The following SLC2A4RG variants were observed in gnomAD, a reference collection of about 807,000 sequenced individuals.
The protein encoded by SLC2A4RG is GLUT4 enhancer factor.
SLC2A4RG carries 23 observed loss-of-function variants against 35.5 expected under a neutral mutation model. That is an observed-to-expected ratio of 0.65 (90% CI 0.47 to 0.92). The LOEUF (loss-of-function observed/expected upper bound fraction) is 0.92. SLC2A4RG is among the 40% of genes least tolerant of loss of function. The pLI, the probability that SLC2A4RG is intolerant of heterozygous loss-of-function variation, is 0.00. For synonymous variants in SLC2A4RG, 306 were observed against 243.7 expected (o/e 1.26, Z -2.38); for missense variants, 539 against 525.0 (o/e 1.03, Z -0.26).
Position 63,742,325 on chromosome 20 carries a change from G to C in SLC2A4RG, c.681-11G>C. Reference sequence around the variant, plus strand: ...CCTTCAGCTCCCACTGGCTGGCTGTGTCTCCCGCAGGAGGCAGGCAGAGCC... The same window carrying C: ...CCTTCAGCTCCCACTGGCTGGCTGTCTCTCCCGCAGGAGGCAGGCAGAGCC... On this transcript the variant is annotated splice_polypyrimidine_tract_variant and intron_variant, in intron 5 of 7. Transcript: ENST00000266077. 6.2e-7 allele frequency: 1 copy of C among 1,606,584 alleles called. No homozygotes were observed.
At position 63,742,132 on chromosome 20, in the gene SLC2A4RG, C is replaced by T; in HGVS notation, c.582C>T (p.Ser194=). The T allele has an allele frequency of 2.5e-6, 4 of 1,603,736 alleles. No individual in the cohort carries two copies. Among genetic ancestry groups the T allele is most frequent in the Middle Eastern group, 3.3e-4 (2 of 6,042 alleles). Residue 194 remains serine, a splice_region_variant and synonymous_variant, in exon 5 of 8, where the codon AGC becomes AGT. Transcript: ENST00000266077. ...FGEPTLRKRK[S]PAQVMFQCLW... is the part of the protein sequence containing the mutation. ...GACCCTGGCCCCTGTTGCTGCAGAG[C>T]CCGGCCCAGGTCATGTTCCAGTGTC...
rs1027857777 is a variant in SLC2A4RG, at chr20:63,739,992, G to C, written c.80G>C (p.Gly27Ala). 2.0e-5 allele frequency: 20 copies of C among 980,618 alleles called. No homozygotes were observed. The highest frequency in any genetic ancestry group is 2.2e-5 in the Non-Finnish European group (18 of 828,314). 60.7% of individuals were successfully genotyped at this position (980,618 alleles called of 1,614,324 possible). ...RAEAPWLRAE[G>A]PGPRAAPVTV... is the part of the protein sequence containing the mutation. ...GAGGCGCCGTGGCTGCGCGCGGAGG[G>C]TCCGGGGCCGCGCGCCGCGCCCGTG... is the stretch of plus-strand genomic sequence containing the variant. The change falls in exon 1 of 8, where the codon GGT (glycine) becomes GCT (alanine). Residue 27 changes from glycine (G) to alanine (A), a missense_variant. Gly to Ala is a moderately conservative substitution (Grantham distance 60). Coordinates refer to ENST00000266077, the MANE Select transcript of SLC2A4RG (RefSeq NM_020062.4).
At chr20:63,740,807 G>A (rs1378561792) in intron 2 of SLC2A4RG, among the ~76,000 whole-genome samples, 1 of 152,194 alleles carries the variant, frequency 6.6e-6, no homozygotes, top group Non-Finnish European at 1.5e-5. Context: ...TCGGCATGGG[G>A]CGACTGTCCA....
In SLC2A4RG at chr20:63,739,818, C is replaced by G. The variant is rs2092032513; in HGVS notation, c.-95C>G. The G allele has an allele frequency of 1.1e-6, 1 of 949,506 alleles. No homozygotes were observed. The highest frequency in any genetic ancestry group is 6.6e-5 in the Admixed American group (1 of 15,216). The allele number at this position is 949,506 out of a possible 1,614,324, so 58.8% of individuals were successfully genotyped here. On this transcript the variant is annotated 5_prime_UTR_variant, in exon 1 of 8. Coordinates refer to ENST00000266077, the MANE Select transcript of SLC2A4RG (RefSeq NM_020062.4). ...GCGCGGGCGGCGGCCGGATCCAGGG[C>G]GGGGGTCGGCGGCCCGGCCAGCCCG... is the stretch of plus-strand genomic sequence containing the variant.
rs1217872641 is a variant in SLC2A4RG at position 63,741,493 on chromosome 20, G to A, written c.391+14G>A. The A allele has an allele frequency of 2.5e-6, 4 of 1,609,248 alleles. No homozygotes were observed. Among genetic ancestry groups the A allele is most frequent in the South Asian group, 1.1e-5 (1 of 90,750 alleles). On this transcript the variant is annotated intron_variant, in intron 3 of 7. Transcript: ENST00000266077. ...CCTTCAGCCCAGGTAAGACTCAGAT[G>A]TCTGCATTTAGGGGTGTGGGTGGGG...
rs781482464 is a variant in SLC2A4RG, at chr20:63,741,975, C to T, written c.498C>T (p.Ser166=). 5.6e-6 allele frequency: 9 copies of T among 1,613,074 alleles called. No homozygotes were observed. The South Asian group carries it at 8.8e-5, about 16-fold the overall frequency. The change falls in exon 4 of 8, where the codon TCC becomes TCT. Residue 166 remains serine (S), a synonymous_variant. Transcript: ENST00000266077. ...DWGWDLASDQ[S]SPSTPSPPLP... ...GATGGGACCTGGCCAGTGACCAGTC[C>T]TCTCCGTCCACCCCGTCACCCCCAC...
Position 63,739,948 on chromosome 20 carries a change from C to G in SLC2A4RG, c.36C>G (p.Asp12Glu). 1.0e-6 allele frequency: 1 copy of G among 979,384 alleles called. No homozygotes were observed. Among genetic ancestry groups the G allele is most frequent in the Non-Finnish European group, 1.2e-6 (1 of 827,616 alleles). The allele number at this position is 979,384 out of a possible 1,614,324, so 60.7% of individuals were successfully genotyped here. The change falls in exon 1 of 8, where the codon GAC becomes GAG. Residue 12 changes from aspartate (D) to glutamate (E), a missense_variant. Transcript: ENST00000266077. ...ERPPPRAAGR[D>E]PSALRAEAPW... ...CCCCGCCCCGCGCCGCCGGCCGGGA[C>G]CCCAGTGCGCTGCGGGCCGAGGCGC...
At chr20:63,741,649 C>T (rs960024377) in intron 3 of SLC2A4RG, among the ~76,000 whole-genome samples, 170 bp downstream of exon 3, 2 of 152,214 alleles carry the variant, frequency 1.3e-5, no homozygotes, top group African/African-American at 4.8e-5. Flanking sequence ...AGGACCCAGG[C>T]CTTCTGGCCT....
At position 63,742,478 on chromosome 20, in the gene SLC2A4RG, C is replaced by G. The variant is rs142830093; in HGVS notation, c.823C>G (p.Arg275Gly). ...GGCCTCCATGCCGCCTGCCTTCCCC[C>G]GCCTGGAGCTGCCAGAGCTGCTGGA... ...PTASMPPAFPRLELPELLEPP... is the reference protein window; with the variant it reads ...PTASMPPAFPGLELPELLEPP... The change falls in exon 6 of 8, where the codon CGC becomes GGC. Residue 275 changes from arginine (R) to glycine (G), a missense_variant. By Grantham distance (125) the Arg-to-Gly change is moderately radical. Coordinates refer to ENST00000266077, the MANE Select transcript of SLC2A4RG (RefSeq NM_020062.4). The G allele has an allele frequency of 1.9e-6, 3 of 1,585,532 alleles. No homozygotes were observed. The highest frequency in any genetic ancestry group is 2.6e-6 in the Non-Finnish European group (3 of 1,166,634).
intron 5 of SLC2A4RG, 27 bp from the exon 6 acceptor site, chr20:63,742,309 C>A: frequency 6.2e-7 from 1 of 1,605,034 alleles, no homozygotes; most frequent in Non-Finnish European, 8.5e-7. Flanking sequence ...CCCTTCAGCT[C>A]CCACTGGCTG....
Position 63,742,011 on chromosome 20 carries a change from G to A in SLC2A4RG, c.534G>A (p.Glu178=). 1 of 1,612,872 alleles carries A rather than the reference G, an allele frequency of 6.2e-7. No individual in the cohort carries two copies. Among genetic ancestry groups the A allele is most frequent in the South Asian group, 1.1e-5 (1 of 91,072 alleles). ...PSTPSPPLPP[E]AAHFLFGEPT... is the part of the protein sequence containing the mutation. ...CCCCGTCACCCCCACTGCCCCCCGA[G>A]GCAGCCCACTTTCTGTTTGGGGAGC... Residue 178 remains glutamate (E), a synonymous_variant, in exon 4 of 8, where the codon GAG becomes GAA. Transcript: ENST00000266077.
chr20:63,742,446 C>A lies in SLC2A4RG; in HGVS notation c.791C>A (p.Ser264Tyr). The A allele has an allele frequency of 6.2e-7, 1 of 1,602,852 alleles. No homozygotes were observed. The highest frequency in any genetic ancestry group is 8.5e-7 in the Non-Finnish European group (1 of 1,175,526). Residue 264 changes from serine to tyrosine, a missense_variant, in exon 6 of 8, where the codon TCC (serine) becomes TAC (tyrosine). Coordinates refer to ENST00000266077, the MANE Select transcript of SLC2A4RG (RefSeq NM_020062.4). ...TDGLSSLTPV[S>Y]PTASMPPAFP... ...GGGCTGTCCAGCCTGACTCCAGTGT[C>A]CCCCACGGCCTCCATGCCGCCTGCC...
intron 2 of SLC2A4RG, among the ~76,000 whole-genome samples, 185 bp downstream of exon 2, chr20:63,740,716 C>T (rs1309020327): frequency 6.6e-6 from 1 of 152,242 alleles, no homozygotes. Flanking sequence ...CCTACACCTC[C>T]CTCCACCGCA....
In SLC2A4RG at chr20:63,742,494, A is replaced by T; in HGVS notation, c.839A>T (p.Glu280Val). The T allele has an allele frequency of 6.4e-7, 1 of 1,572,092 alleles. No individual in the cohort carries two copies. The highest frequency in any genetic ancestry group is 8.6e-7 in the Non-Finnish European group (1 of 1,159,502). The change falls in exon 6 of 8, where the codon GAG becomes GTG. Residue 280 changes from glutamate (E) to valine (V), a missense_variant. Transcript: ENST00000266077. ...GCCTTCCCCCGCCTGGAGCTGCCAG[A>T]GCTGCTGGAGCCCCCAGCCCTGCCT... is the stretch of plus-strand genomic sequence containing the variant. ...PPAFPRLELP[E>V]LLEPPALPSP...
rs1406010359 is a variant in SLC2A4RG, at chr20:63,740,538, G to A, written c.281+7G>A. ...TCCCCGTCCCAGCGCAGAGGTGAGC[G>A]GGAGGCCCGGTGCCTCGGGACTCGG... On this transcript the variant is annotated splice_region_variant and intron_variant, in intron 2 of 7. Coordinates refer to ENST00000266077, the MANE Select transcript of SLC2A4RG (RefSeq NM_020062.4). The A allele has an allele frequency of 2.4e-6, 3 of 1,228,864 alleles. No homozygotes were observed. Among genetic ancestry groups the A allele is most frequent in the South Asian group, 4.1e-5 (1 of 24,248 alleles). 76.1% of individuals were successfully genotyped at this position (1,228,864 alleles called of 1,614,324 possible). A position where few individuals can be genotyped will look rare whatever the true frequency, so the allele number is the denominator to read the frequency against.
In SLC2A4RG at chr20:63,739,788, G is replaced by A. The variant is rs2092032286; in HGVS notation, c.-125G>A. Reference sequence around the variant, plus strand: ...GGGCGGGCCGGGCAGCCTCCGGGCGGCGCGGCGCGGGCGGCGGCCGGATCC... The same window carrying A: ...GGGCGGGCCGGGCAGCCTCCGGGCGACGCGGCGCGGGCGGCGGCCGGATCC... On this transcript the variant is annotated 5_prime_UTR_variant, in exon 1 of 8. Transcript: ENST00000266077. 2 of 945,716 alleles carry A rather than the reference G, an allele frequency of 2.1e-6. No homozygotes were observed. Among genetic ancestry groups the A allele is most frequent in the Non-Finnish European group, 2.5e-6 (2 of 798,098 alleles). 58.6% of individuals were successfully genotyped at this position (945,716 alleles called of 1,614,324 possible).
rs368976563 is a variant in SLC2A4RG at position 63,743,655 on chromosome 20, G to A, written c.*665G>A. ...GGCCGGAGGAAGGATCATCTGAGAC[G>A]CAGGAGGCATCTGCTGGAGCAGCAA... On this transcript the variant is annotated 3_prime_UTR_variant, in exon 8 of 8. Coordinates refer to ENST00000266077, the MANE Select transcript of SLC2A4RG (RefSeq NM_020062.4). The A allele has an allele frequency of 6.6e-6, 1 of 152,406 alleles. No individual in the cohort carries two copies. Among genetic ancestry groups the A allele is most frequent in the African/African-American group, 2.4e-5 (1 of 41,456 alleles). The allele number at this position is 152,406 out of a possible 1,614,324, so 9.4% of individuals were successfully genotyped here.
At chr20:63,741,733 C>T (rs925773599) in intron 3 of SLC2A4RG, 136 bp from the exon 4 acceptor site, 3 of 1,431,590 alleles carry the variant, frequency 2.1e-6, no homozygotes, top group Non-Finnish European at 2.7e-6. Context: ...GGGGTTTCTC[C>T]CCAAGCCCTG....
rs997454972 is a variant in SLC2A4RG, at chr20:63,743,233, C to T, written c.*243C>T. The T allele has an allele frequency of 1.2e-5, 5 of 423,650 alleles. No homozygotes were observed. The highest frequency in any genetic ancestry group is 4.0e-5 in the East Asian group (1 of 25,146). The allele number at this position is 423,650 out of a possible 1,614,324, so 26.2% of individuals were successfully genotyped here. A position where few individuals can be genotyped will look rare whatever the true frequency, so the allele number is the denominator to read the frequency against. On this transcript the variant is annotated 3_prime_UTR_variant, in exon 8 of 8. Coordinates refer to ENST00000266077, the MANE Select transcript of SLC2A4RG (RefSeq NM_020062.4). ...TTTTTGCACTAAAGCCAAACCACAC[C>T]GCTGTCCCCTTAGCCCCAAGGGCCC...
Sources: allele counts gnomAD v4.1 joint callset (sites outside exome capture counted in the v4.1 genomes callset), GRCh38; gene constraint gnomAD v4.1.1; transcripts MANE v1.5; gene names NCBI Gene and HGNC (gene_info 2026-07-23, HGNC 2026-07-21).